ZNF862: variants seen among roughly 807,000 people sequenced by gnomAD.
The protein encoded by ZNF862 is zinc finger protein 862.
A neutral mutation model predicts 91.1 loss-of-function variants in ZNF862; 64 were observed. That is an observed-to-expected ratio of 0.70 (90% CI 0.57 to 0.87). ZNF862 has a LOEUF of 0.87. Ranked by LOEUF, ZNF862 falls within the 40% of genes least tolerant of loss-of-function variation. ZNF862 has a pLI of 0.00. For missense variants in ZNF862, 1,459 were observed against 1,528.0 expected (o/e 0.95, Z 0.75); for synonymous variants, 631 against 618.1 (o/e 1.02, Z -0.31).
chr7:149,845,065 G>A (rs1347411417), intron 2 of ZNF862: 1 of 275,296 alleles, frequency 3.6e-6, no homozygotes, highest in Non-Finnish European at 7.0e-6. Flanking sequence ...TGTGGAGCCC[G>A]TAGGACACTG....
intron 6 of ZNF862, chr7:149,860,032 C>T (rs532332721): frequency 2.2e-5 from 7 of 323,506 alleles, no homozygotes; most frequent in African/African-American, 4.3e-5. Flanking sequence ...GAGCCTCACA[C>T]GAGAGTGAAA....
At chr7:149,853,798 C>T (rs1216180343) in intron 5 of ZNF862, among the ~76,000 whole-genome samples, 4 of 151,924 alleles carry the variant, frequency 2.6e-5, no homozygotes, top group African/African-American at 9.7e-5. Flanking sequence ...ATTAGCCGAG[C>T]GTAGTGGCAC....
chr7:149,846,847 C>T (rs944472020), intron 3 of ZNF862, among the ~76,000 whole-genome samples: 10 of 152,198 alleles, frequency 6.6e-5, no homozygotes, highest in African/African-American at 2.4e-4. Flanking sequence ...ACAAAGAGCT[C>T]TAGACAGCTT....
rs1802690377 is a variant in ZNF862 at position 149,865,689 on chromosome 7, C to T, written c.*1405C>T. ...GCAGGAAATGAGGCAAGTCAGCAGGCAGGGTTTCTCTGCCCTGCCTGATAC... is the reference window on the plus strand; with the variant it reads ...GCAGGAAATGAGGCAAGTCAGCAGGTAGGGTTTCTCTGCCCTGCCTGATAC... On this transcript the variant is annotated 3_prime_UTR_variant, in exon 8 of 8. Transcript: ENST00000223210. 1 of 152,228 alleles carries T rather than the reference C, an allele frequency of 6.6e-6. No homozygotes were observed. The highest frequency in any genetic ancestry group is 1.5e-5 in the Non-Finnish European group (1 of 68,050). The allele number at this position is 152,228 out of a possible 1,614,324, so 9.4% of individuals were successfully genotyped here.
intron 1 of ZNF862, 26 bp from the exon 2 acceptor site, chr7:149,844,599 C>A: frequency 6.6e-7 from 1 of 1,508,582 alleles, no homozygotes; most frequent in Non-Finnish European, 9.1e-7. Flanking sequence ...GAGAGTGGTA[C>A]TTAGCAGCTG....
chr7:149,860,393 G>T lies in ZNF862; in HGVS notation c.1233G>T (p.Lys411Asn), dbSNP rs775917005. 3.1e-6 allele frequency: 5 copies of T among 1,609,474 alleles called. No individual in the cohort carries two copies. The South Asian group carries it at 5.5e-5, about 18-fold the overall frequency. The change falls in exon 7 of 8, where the codon AAG becomes AAT. Residue 411 changes from lysine to asparagine, a missense_variant. By Grantham distance (94) the Lys-to-Asn change is moderately conservative. Coordinates refer to ENST00000223210, the MANE Select transcript of ZNF862 (RefSeq NM_001099220.3). ...WGKGRPPGNKKMVAVREADTQ... is the reference protein window; with the variant it reads ...WGKGRPPGNKNMVAVREADTQ... ...CAATTTTCTCCAAAGGGAACAAGAA[G>T]ATGGTGGCAGTGAGAGAGGCAGACA...
intron 5 of ZNF862, among the ~76,000 whole-genome samples, chr7:149,854,617 A>C (rs1235663822): frequency 6.6e-6 from 1 of 152,172 alleles, no homozygotes; most frequent in African/African-American, 2.4e-5. Flanking sequence ...CTCTGCTTAG[A>C]GTCTTAGCCC....
chr7:149,862,954 C>CCA (rs1802572107), intron 7 of ZNF862, among the ~76,000 whole-genome samples: 1 of 152,224 alleles, frequency 6.6e-6, no homozygotes, highest in Non-Finnish European at 1.5e-5. Context: ...CCATCACATT[C>CCA]TAAGTGGGGC....
chr7:149,838,731 A>G (rs1235862594), intron 1 of ZNF862, 96 bp downstream of exon 1: 11 of 812,626 alleles, frequency 1.4e-5, no homozygotes, highest in African/African-American at 5.3e-5. Flanking sequence ...GGCCCCGCAG[A>G]TGAGCCAGGC....
Position 149,862,193 on chromosome 7 carries a change from C to T in ZNF862, c.3033C>T (p.Asn1011=), listed in dbSNP as rs145852689. The T allele has an allele frequency of 2.3e-4, 368 of 1,613,616 alleles. 1 individual carries two copies. The African/African-American group carries it at 3.3e-3, about 14-fold the overall frequency. The change falls in exon 7 of 8, where the codon AAC becomes AAT. Residue 1011 remains asparagine, a synonymous_variant. Coordinates refer to ENST00000223210, the MANE Select transcript of ZNF862 (RefSeq NM_001099220.3). The stretch of plus-strand genomic sequence containing the variant: ...TCCCGTTCTCCATGCTCTGCAAAAA[C>T]GCCCTGGCCCAGCACTGCCGCTTCC... The part of the protein sequence containing the change: ...QHLPFSMLCK[N]ALAQHCRFPL...
In ZNF862 at chr7:149,857,880, G is replaced by A. The variant is rs1802316146; in HGVS notation, c.1118-1542G>A. ...TTGGAGTCGAGCAGTGCACCCCTTG[G>A]TCCATAGACATGACTCGATCTCCCT... On this transcript the variant is annotated intron_variant, in intron 5 of 7. Coordinates refer to ENST00000223210, the MANE Select transcript of ZNF862 (RefSeq NM_001099220.3). Among the ~76,000 whole-genome samples the A allele has an allele frequency of 2.0e-5, 3 of 152,058 alleles. No homozygotes were observed. In the South Asian group the frequency reaches 6.2e-4, roughly 32 times the overall value.
At chr7:149,860,207 C>A in intron 6 of ZNF862, 176 bp from the exon 7 acceptor site, 1 of 638,740 alleles carries the variant, frequency 1.6e-6, no homozygotes, top group Non-Finnish European at 2.6e-6. Flanking sequence ...GATGAACTTT[C>A]ACAGATGAGA....
In ZNF862 at chr7:149,862,000, T is replaced by C; in HGVS notation, c.2840T>C (p.Met947Thr). 1 of 1,613,786 alleles carries C rather than the reference T, an allele frequency of 6.2e-7. No individual in the cohort carries two copies. Among genetic ancestry groups the C allele is most frequent in the Non-Finnish European group, 8.5e-7 (1 of 1,179,872 alleles). Residue 947 changes from methionine (M) to threonine (T), a missense_variant, in exon 7 of 8, where the codon ATG becomes ACG. Coordinates refer to ENST00000223210, the MANE Select transcript of ZNF862 (RefSeq NM_001099220.3). The surrounding 1 kb of genome is among the most constrained non-coding windows in gnomAD (Gnocchi z 6.7). ...DADRPPQLKN[M>T]EVFDTMAWPS... ...GACCGACCCCCACAGCTGAAGAACA[T>C]GGAGGTGTTTGACACCATGGCCTGG...
chr7:149,859,583 A>G (rs1023049398), intron 6 of ZNF862, 57 bp downstream of exon 6: 15 of 1,402,566 alleles, frequency 1.1e-5, no homozygotes, highest in Non-Finnish European at 1.5e-5. Flanking sequence ...GGCGGCTATG[A>G]TGAGTCAAAC....
chr7:149,851,926 CTG>C (rs1255451193), intron 5 of ZNF862: 2 of 152,126 alleles, frequency 1.3e-5, no homozygotes, highest in Non-Finnish European at 2.9e-5. Context: ...CTCCGGTTGT[CTG>C]TGAAATTGAG....
chr7:149,840,428 T>A (rs1801664867), intron 1 of ZNF862, among the ~76,000 whole-genome samples: 1 of 152,098 alleles, frequency 6.6e-6, no homozygotes, highest in African/African-American at 2.4e-5. Flanking sequence ...TAAGCTAGGG[T>A]TAATTTATTA....
chr7:149,863,602 AATG>A (rs1031288671), intron 7 of ZNF862, among the ~76,000 whole-genome samples: 3 of 152,194 alleles, frequency 2.0e-5, no homozygotes, highest in Admixed American at 1.3e-4. Context: ...AGGAGAAAAA[AATG>A]ATGTCAGGTG....
chr7:149,858,204 T>C (rs1393587546), intron 5 of ZNF862, among the ~76,000 whole-genome samples: 2 of 152,204 alleles, frequency 1.3e-5, no homozygotes, highest in Non-Finnish European at 2.9e-5. Context: ...TTCTCCTTGT[T>C]AACCCCTCTG....
In ZNF862 at chr7:149,861,556, C is replaced by G; in HGVS notation, c.2396C>G (p.Ala799Gly). ...WVASRRRTLH[A>G]LLVSWPALAR... ...GCCAGCAGGAGGCGCACGCTGCACG[C>G]GCTGCTCGTGAGCTGGCCCGCCCTG... Residue 799 changes from alanine to glycine, a missense_variant, in exon 7 of 8, where the codon GCG becomes GGG. Ala to Gly is a moderately conservative substitution (Grantham distance 60). Transcript: ENST00000223210. This position sits in a 1 kb window ranked among gnomAD's most constrained non-coding sequence, Gnocchi z 6.7. The G allele has an allele frequency of 6.3e-7, 1 of 1,597,672 alleles. No homozygotes were observed. Among genetic ancestry groups the G allele is most frequent in the South Asian group, 1.1e-5 (1 of 89,448 alleles).
Sources: allele counts gnomAD v4.1 joint callset (sites outside exome capture counted in the v4.1 genomes callset), GRCh38; gene constraint gnomAD v4.1.1; non-coding constraint Gnocchi (gnomAD v3.1); transcripts MANE v1.5; gene names NCBI Gene and HGNC (gene_info 2026-07-23, HGNC 2026-07-21).